Variants in ARL17B observed in about 807,000 individuals in gnomAD.
The protein encoded by ARL17B is ADP-ribosylation factor-like protein 17.
intron 4 of ARL17B, among the ~76,000 whole-genome samples, chr17:46,284,202 C>G (rs998018578): frequency 6.6e-6 from 1 of 152,240 alleles, no homozygotes; most frequent in African/African-American, 2.4e-5. Context: ...CTTTCCCTTC[C>G]CACGAGGCCA....
At position 46,275,329 on chromosome 17, in the gene ARL17B, G is replaced by A. The variant is rs186915236; in HGVS notation, c.*111C>T. ...AGATCTGGCTCCTTAATTTAAAATA[G>A]TTCAGGCAACAAGATTCTTGCTGTG... On this transcript the variant is annotated 3_prime_UTR_variant, in exon 5 of 5. Coordinates refer to the ARL17B transcript ENST00000570618. 4.6e-5 allele frequency: 39 copies of A among 856,112 alleles called. No homozygotes were observed. In the African/African-American group the frequency reaches 6.9e-4, roughly 15 times the overall value. 53.0% of individuals were successfully genotyped at this position (856,112 alleles called of 1,614,324 possible).
chr17:46,288,311 T>C (rs1291709629), intron 4 of ARL17B, among the ~76,000 whole-genome samples: 5 of 146,604 alleles, frequency 3.4e-5, no homozygotes, highest in African/African-American at 7.7e-5. Flanking sequence ...CCGGCTTTTT[T>C]TTTTTTTTTT....
chr17:46,280,227 G>A (rs1335388980), intron 4 of ARL17B, among the ~76,000 whole-genome samples: 2 of 152,298 alleles, frequency 1.3e-5, no homozygotes, highest in East Asian at 3.9e-4. Flanking sequence ...AGCCAGGTGT[G>A]GTGGCAGGCG....
At chr17:46,279,093 T>C (rs1314366909) in intron 4 of ARL17B, among the ~76,000 whole-genome samples, 5 of 152,234 alleles carry the variant, frequency 3.3e-5, no homozygotes, top group Non-Finnish European at 7.3e-5. Context: ...CCACTGTTCC[T>C]GGCCCAATGT....
chr17:46,335,154 C>G lies in ARL17B; in HGVS notation c.*4346G>C, dbSNP rs893526501. On this transcript the variant is annotated 3_prime_UTR_variant, in exon 4 of 4. Transcript: ENST00000450673. ...GGTTGAGGCTACAGTGAGCTGTGAT[C>G]GTGACACCGCACTCCATCCTGAGTA... 2.2e-5 allele frequency among the ~76,000 whole-genome samples: 1 copy of G among 45,512 alleles called. No homozygotes were observed. The highest frequency in any genetic ancestry group is 3.9e-5 in the African/African-American group (1 of 25,762). 29.9% of individuals were successfully genotyped at this position (45,512 alleles called of 152,430 possible).
chr17:46,339,283 G>T lies in ARL17B; in HGVS notation c.*217C>A. ...ATGCTCTTAGCACCGCCATCATTCA[G>T]GAATTTCCAAGGGTTTTAGGAGCTT... On this transcript the variant is annotated 3_prime_UTR_variant, in exon 4 of 4. Transcript: ENST00000450673. 3.3e-6 allele frequency: 1 copy of T among 303,166 alleles called. No individual in the cohort carries two copies. Among genetic ancestry groups the T allele is most frequent in the South Asian group, 4.9e-5 (1 of 20,230 alleles). 18.8% of individuals were successfully genotyped at this position (303,166 alleles called of 1,614,324 possible). A position where few individuals can be genotyped will look rare whatever the true frequency, so the allele number is the denominator to read the frequency against.
chr17:46,277,653 CT>C (rs1555610981), intron 4 of ARL17B, among the ~76,000 whole-genome samples: 158 of 137,702 alleles, frequency 1.1e-3, no homozygotes, highest in Middle Eastern at 3.9e-3. Flanking sequence ...TTCTTTCTTT[CT>C]TTTTTTTTTT....
In ARL17B at chr17:46,291,607, T is replaced by C. The variant is rs573000886; in HGVS notation, c.*21+7919A>G. 8.6e-5 allele frequency among the ~76,000 whole-genome samples: 13 copies of C among 151,300 alleles called. No individual in the cohort carries two copies. The East Asian group carries it at 2.3e-3, about 27-fold the overall frequency. On this transcript the variant is annotated intron_variant, in intron 4 of 4. Transcript: ENST00000570618. Reference sequence around the variant, plus strand: ...CTTGCAAAATTCAAATGTTTGAAAATGAAAATGTGTAATATGAAAAAAAGA... The same window carrying C: ...CTTGCAAAATTCAAATGTTTGAAAACGAAAATGTGTAATATGAAAAAAAGA...
Position 46,340,512 on chromosome 17 carries a change from G to A in ARL17B, c.260-738C>T, listed in dbSNP as rs576539881. Among the ~76,000 whole-genome samples, 530 of 65,562 alleles carry A rather than the reference G, an allele frequency of 8.1e-3. 15 individuals are homozygous for A. The highest frequency in any genetic ancestry group is 0.016 in the Non-Finnish European group (410 of 26,158). 43.0% of individuals were successfully genotyped at this position (65,562 alleles called of 152,430 possible). On this transcript the variant is annotated intron_variant, in intron 3 of 3. Transcript: ENST00000450673. ...ATTACAGGTGCGAGCTACCGCGCCT[G>A]GCTTGTTTTGGGTTTTGGGGTTTTT...
intron 4 of ARL17B, among the ~76,000 whole-genome samples, chr17:46,291,969 C>CAAAAAACAAAA (rs2050081790): frequency 1.7e-5 from 1 of 58,090 alleles, no homozygotes. Context: ...TCTCAAAAAG[C>CAAAAAACAAAA]AAAAAAAAAA....
At chr17:46,288,519 A>C (rs1219138784) in intron 4 of ARL17B, among the ~76,000 whole-genome samples, 1 of 151,574 alleles carries the variant, frequency 6.6e-6, no homozygotes, top group Admixed American at 6.6e-5. Flanking sequence ...GCTGGTCTCA[A>C]ACTCCTGACT....
chr17:46,334,688 T>C (rs1351077593), downstream of ARL17B: 1 of 54,442 alleles, frequency 1.8e-5, no homozygotes, highest in African/African-American at 8.3e-5. Context: ...TCTCCTACTT[T>C]TAAGAGTTTT....
At chr17:46,280,166 C>T (rs1244798165) in intron 4 of ARL17B, among the ~76,000 whole-genome samples, 2 of 152,156 alleles carry the variant, frequency 1.3e-5, no homozygotes, top group Non-Finnish European at 2.9e-5. Context: ...TGCCTTGAGA[C>T]CAGCTTGGCC....
intron 4 of ARL17B, among the ~76,000 whole-genome samples, chr17:46,285,475 C>T (rs1466253872): frequency 3.3e-5 from 5 of 152,018 alleles, no homozygotes; most frequent in African/African-American, 1.2e-4. Flanking sequence ...CTCCTGACCT[C>T]ATGATTTGCC....
chr17:46,333,099 T>C (rs1399352075), downstream of ARL17B, among the ~76,000 whole-genome samples: 1 of 123,052 alleles, frequency 8.1e-6, no homozygotes, highest in Non-Finnish European at 1.8e-5. Flanking sequence ...TATTGTCTTG[T>C]AGACTTATTA....
At chr17:46,316,599 T>G (rs1488718539) in intron 3 of ARL17B, among the ~76,000 whole-genome samples, 1 of 72,790 alleles carries the variant, frequency 1.4e-5, no homozygotes, top group African/African-American at 3.5e-5. Flanking sequence ...CCATGCCCAG[T>G]TTTTTTTGTT....
chr17:46,324,512 TTTTA>T (rs1283563191), intron 3 of ARL17B, among the ~76,000 whole-genome samples: 1 of 74,094 alleles, frequency 1.3e-5, no homozygotes, highest in Non-Finnish European at 4.0e-5. Context: ...GATGTATCTT[TTTTA>T]TTTTTTATTT....
At chr17:46,322,089 C>CT (rs1288065213) in intron 3 of ARL17B, among the ~76,000 whole-genome samples, 3 of 44,028 alleles carry the variant, frequency 6.8e-5, no homozygotes, top group East Asian at 3.9e-4. Flanking sequence ...TTGCTATCCA[C>CT]TTTTTTTTTC....
At chr17:46,317,129 C>G (rs1299044985) in intron 3 of ARL17B, among the ~76,000 whole-genome samples, 2 of 89,316 alleles carry the variant, frequency 2.2e-5, no homozygotes, top group Admixed American at 1.1e-4. Context: ...CTGTTGGGTA[C>G]ACCTCCCAGA....
Sources: allele counts gnomAD v4.1 joint callset (sites outside exome capture counted in the v4.1 genomes callset), GRCh38; gene constraint gnomAD v4.1.1; transcripts MANE v1.5; gene names NCBI Gene and HGNC (gene_info 2026-07-23, HGNC 2026-07-21).